Variants in TNIK observed in about 807,000 individuals in gnomAD.
TNIK encodes the protein TRAF2 and NCK interacting kinase.
TNIK carries 49 observed loss-of-function variants against 191.3 expected under a neutral mutation model. The ratio of observed to expected loss-of-function variants is 0.26; its 90% CI spans 0.20 to 0.32. TNIK has a LOEUF of 0.32. Ranked by LOEUF, TNIK falls within the 10% of genes least tolerant of loss-of-function variation. The pLI, the probability that TNIK is intolerant of heterozygous loss-of-function variation, is 1.00. For missense variants in TNIK, 1,155 were observed against 1,702.3 expected (o/e 0.68, Z 5.66); for synonymous variants, 594 against 600.9 (o/e 0.99, Z 0.17).
At chr3:171,286,814 A>G (rs1751057011) in intron 2 of TNIK, among the ~76,000 whole-genome samples, 2 of 152,240 alleles carry the variant, frequency 1.3e-5, no homozygotes, top group African/African-American at 4.8e-5. Context: ...CATTTATGAC[A>G]CAATGTTGTA....
At chr3:171,397,654 C>A (rs1051847956) in intron 1 of TNIK, among the ~76,000 whole-genome samples, 47 of 152,222 alleles carry the variant, frequency 3.1e-4, no homozygotes, top group African/African-American at 1.1e-3. Flanking sequence ...AAAAAATTTA[C>A]ATTTGAAATA....
chr3:171,330,840 C>T (rs568150782), intron 2 of TNIK, among the ~76,000 whole-genome samples: 1 of 152,228 alleles, frequency 6.6e-6, no homozygotes, highest in Non-Finnish European at 1.5e-5. Context: ...TATTCTTACC[C>T]TACGACCCCG....
chr3:171,276,129 T>A (rs1287887330), intron 2 of TNIK, among the ~76,000 whole-genome samples: 1 of 152,170 alleles, frequency 6.6e-6, no homozygotes, highest in Non-Finnish European at 1.5e-5. Context: ...ATTTTCATCT[T>A]AGAATTCTAT....
intron 17 of TNIK, among the ~76,000 whole-genome samples, chr3:171,125,671 G>A (rs1728360999): frequency 6.6e-6 from 1 of 152,104 alleles, no homozygotes; most frequent in South Asian, 2.1e-4. Flanking sequence ...TCTAACTTTG[G>A]ACGTAGGATC....
intron 2 of TNIK, among the ~76,000 whole-genome samples, chr3:171,353,729 A>G (rs1713578547): frequency 6.6e-6 from 1 of 152,248 alleles, no homozygotes; most frequent in Non-Finnish European, 1.5e-5. Context: ...AGACAGCAAT[A>G]TTCTTCTGCA....
chr3:171,287,655 T>A (rs1751165649), intron 2 of TNIK, among the ~76,000 whole-genome samples: 1 of 152,326 alleles, frequency 6.6e-6, no homozygotes, highest in Non-Finnish European at 1.5e-5. Flanking sequence ...CAATAGCAGG[T>A]CAACTAAGGT....
At chr3:171,434,300 T>G (rs1725744726) in intron 1 of TNIK, among the ~76,000 whole-genome samples, 1 of 152,144 alleles carries the variant, frequency 6.6e-6, no homozygotes. Context: ...AAAATACTAT[T>G]GATTTGGGTA....
chr3:171,231,222 G>A (rs1043952937), intron 2 of TNIK, among the ~76,000 whole-genome samples: 1 of 152,110 alleles, frequency 6.6e-6, no homozygotes, highest in African/African-American at 2.4e-5. Context: ...GGCAGTTCTT[G>A]TTGGAATAAA....
intron 2 of TNIK, among the ~76,000 whole-genome samples, chr3:171,276,588 T>C (rs1749778424): frequency 6.6e-6 from 1 of 152,252 alleles, no homozygotes; most frequent in Non-Finnish European, 1.5e-5. Context: ...ATAATATTTA[T>C]TGATTTTCAA....
At chr3:171,290,858 T>C (rs1751604285) in intron 2 of TNIK, among the ~76,000 whole-genome samples, 1 of 152,000 alleles carries the variant, frequency 6.6e-6, no homozygotes, top group Admixed American at 6.6e-5. Context: ...GCCAGATAAG[T>C]AGGAAGGAAG....
intron 2 of TNIK, among the ~76,000 whole-genome samples, chr3:171,324,239 G>A (rs948005816): frequency 6.6e-6 from 1 of 152,064 alleles, no homozygotes; most frequent in African/African-American, 2.4e-5. Flanking sequence ...GTAACTTCAA[G>A]GCTCTGTGCT....
chr3:171,124,493 A>G (rs1257761189), intron 17 of TNIK, among the ~76,000 whole-genome samples: 1 of 152,224 alleles, frequency 6.6e-6, no homozygotes, highest in African/African-American at 2.4e-5. Context: ...GACATTTTAA[A>G]ATGAAATTAA....
rs117597298 is a variant in TNIK at position 171,138,599 on chromosome 3, A to G, written c.1420-220T>C. ...GAATGTGTCATTTAATGAAAACGCT[A>G]TTGCTTTAAAATGGCAATCCCTACC... On this transcript the variant is annotated intron_variant, in intron 14 of 32. Transcript: ENST00000436636. Among the ~76,000 whole-genome samples, 407 of 152,228 alleles carry G rather than the reference A, an allele frequency of 2.7e-3. 8 individuals carry two copies. The highest frequency in any genetic ancestry group is 0.025 in the East Asian group (127 of 5,154).
intron 21 of TNIK, among the ~76,000 whole-genome samples, chr3:171,104,307 T>C (rs1297033835): frequency 6.6e-6 from 1 of 152,152 alleles, no homozygotes; most frequent in African/African-American, 2.4e-5. Flanking sequence ...CACCATTGGG[T>C]TCAATTCTAT....
At chr3:171,073,545 A>T (rs1410635048) in intron 28 of TNIK, among the ~76,000 whole-genome samples, 1 of 152,224 alleles carries the variant, frequency 6.6e-6, no homozygotes, top group African/African-American at 2.4e-5. Context: ...TAAGCTAATG[A>T]GCTTCTGTGT....
At chr3:171,137,968 CAAA>C (rs58897378) in intron 15 of TNIK, among the ~76,000 whole-genome samples, 9 of 119,564 alleles carry the variant, frequency 7.5e-5, no homozygotes, top group African/African-American at 2.8e-4. Flanking sequence ...CAAAGATATA[CAAA>C]AAAAAAAAAA....
At chr3:171,451,144 C>T (rs1728122007) in intron 1 of TNIK, among the ~76,000 whole-genome samples, 2 of 152,298 alleles carry the variant, frequency 1.3e-5, no homozygotes, top group South Asian at 4.1e-4. Flanking sequence ...GGGTAGCCAA[C>T]AGGGTATTGC....
intron 2 of TNIK, among the ~76,000 whole-genome samples, chr3:171,248,718 A>C (rs7615457): frequency 0.57 from 86,804 of 151,996 alleles, 25,513 homozygotes; most frequent in African/African-American, 0.69. Context: ...GGTTGTGAAT[A>C]ATAAGAGTGG....
At chr3:171,079,759 G>A (rs1720432791) in intron 27 of TNIK, 107 bp from the exon 28 acceptor site, 2 of 1,288,738 alleles carry the variant, frequency 1.6e-6, no homozygotes, top group Non-Finnish European at 2.1e-6. Context: ...GTGTGTGTGT[G>A]TGTATGAAGG....
Sources: allele counts gnomAD v4.1 joint callset (sites outside exome capture counted in the v4.1 genomes callset), GRCh38; gene constraint gnomAD v4.1.1; transcripts MANE v1.5; gene names NCBI Gene and HGNC (gene_info 2026-07-23, HGNC 2026-07-21).